The following GNA11 variants were observed in gnomAD, a reference collection of about 807,000 sequenced individuals.
The protein encoded by GNA11 is guanine nucleotide-binding protein subunit alpha-11.
In GNA11, 8 loss-of-function variants were observed where a neutral mutation model predicts 38.2. That is an observed-to-expected ratio of 0.21 (90% CI 0.12 to 0.38). The LOEUF is 0.38. Ranked by LOEUF, GNA11 falls within the 10% of genes least tolerant of loss-of-function variation. The pLI is 1.00. For synonymous variants in GNA11, 211 were observed against 221.4 expected, an observed-to-expected ratio of 0.95 and a Z score of 0.42; for missense variants, 268 against 516.3, an observed-to-expected ratio of 0.52 and a Z score of 4.66.
chr19:3,110,786 T>TTTTTGTTTTGTTTTGTTTTG lies in GNA11; in HGVS notation c.321+464_321+483dup, dbSNP rs56122562. 4.9e-4 allele frequency among the ~76,000 whole-genome samples: 74 copies of TTTTTGTTTTGTTTTGTTTTG among 150,640 alleles called. No homozygotes were observed. Among genetic ancestry groups the TTTTTGTTTTGTTTTGTTTTG allele is most frequent in the African/African-American group, 1.7e-3 (70 of 41,080 alleles). On this transcript the variant is annotated intron_variant, in intron 2 of 6. Coordinates refer to ENST00000078429, the MANE Select transcript of GNA11 (RefSeq NM_002067.5). The surrounding 1 kb of genome is among the most constrained non-coding windows in gnomAD (Gnocchi z 5.4). ...GTACTTCTCACCTTCTCACACTGTT[T>TTTTTGTTTTGTTTTGTTTTG]TTTTGTTTTGTTTTGTTTTGTTTTG...
At chr19:3,116,534 T>A (rs1599306046) in intron 4 of GNA11, among the ~76,000 whole-genome samples, 2 of 152,206 alleles carry the variant, frequency 1.3e-5, no homozygotes, top group Non-Finnish European at 2.9e-5. Flanking sequence ...TGCAGCGTCC[T>A]CCCCGCCTGC....
rs532094293 is a variant in GNA11 at position 3,122,399 on chromosome 19, G to A, written c.*1220G>A. 1.1e-4 allele frequency: 25 copies of A among 231,400 alleles called. No homozygotes were observed. In the South Asian group the frequency reaches 4.5e-3, roughly 42 times the overall value. 14.3% of individuals were successfully genotyped at this position (231,400 alleles called of 1,614,324 possible). A position where few individuals can be genotyped will look rare whatever the true frequency, so the allele number is the denominator to read the frequency against. On this transcript the variant is annotated 3_prime_UTR_variant, in exon 7 of 7. Coordinates refer to ENST00000078429, the MANE Select transcript of GNA11 (RefSeq NM_002067.5). This position sits in a 1 kb window ranked among gnomAD's most constrained non-coding sequence, Gnocchi z 7.7. ...GAAGGTGGTGGCAGGCACCGGCCTG[G>A]GCAGCTTCCAGGCCTGGCTGGCCAC...
chr19:3,094,888 T>A lies in GNA11; in HGVS notation c.136+101T>A. The stretch of plus-strand genomic sequence containing the variant: ...GGGACCCTCCGGGGTCAGCCCTGCC[T>A]GTGCCGTCCGGGTCGCGAGACCCTC... On this transcript the variant is annotated intron_variant, in intron 1 of 6. Transcript: ENST00000078429. This position sits in a 1 kb window ranked among gnomAD's most constrained non-coding sequence, Gnocchi z 6.0. The A allele has an allele frequency of 1.2e-6, 1 of 865,156 alleles. No individual in the cohort carries two copies. 53.6% of individuals were successfully genotyped at this position (865,156 alleles called of 1,614,324 possible). A position where few individuals can be genotyped will look rare whatever the true frequency, so the allele number is the denominator to read the frequency against.
chr19:3,099,059 G>A (rs1301790928), intron 1 of GNA11, among the ~76,000 whole-genome samples: 2 of 152,214 alleles, frequency 1.3e-5, no homozygotes, highest in African/African-American at 2.4e-5. Context: ...GCTTTCCTCC[G>A]AGATTTAACC....
At chr19:3,104,142 G>T (rs1599298653) in intron 1 of GNA11, among the ~76,000 whole-genome samples, 3 of 152,380 alleles carry the variant, frequency 2.0e-5, no homozygotes, top group South Asian at 2.1e-4. Context: ...CATCGGATGA[G>T]CCCCCAGCTC....
chr19:3,094,824 T>C lies in GNA11; in HGVS notation c.136+37T>C. ...CCCCGGGCCTGCCGGCTGCGGGCCC[T>C]GCCCTGCCTGTGCCTGCCCTGCCTG... On this transcript the variant is annotated intron_variant, in intron 1 of 6. Coordinates refer to ENST00000078429, the MANE Select transcript of GNA11 (RefSeq NM_002067.5). The surrounding 1 kb of genome is among the most constrained non-coding windows in gnomAD (Gnocchi z 6.0). 1 of 1,455,664 alleles carries C rather than the reference T, an allele frequency of 6.9e-7. No homozygotes were observed. The highest frequency in any genetic ancestry group is 9.2e-7 in the Non-Finnish European group (1 of 1,091,836). The allele number at this position is 1,455,664 out of a possible 1,614,324, so 90.2% of individuals were successfully genotyped here.
intron 1 of GNA11, among the ~76,000 whole-genome samples, chr19:3,109,420 T>G (rs1021478437): frequency 1.3e-5 from 2 of 152,134 alleles, no homozygotes; most frequent in Admixed American, 1.3e-4. Context: ...GGACCATCAG[T>G]GTGCCCATCT....
chr19:3,109,986 G>A (rs892676097), intron 1 of GNA11, among the ~76,000 whole-genome samples, 163 bp from the exon 2 acceptor site: 3 of 152,032 alleles, frequency 2.0e-5, no homozygotes, highest in Non-Finnish European at 4.4e-5. Flanking sequence ...AACTCTTTCC[G>A]AGGAGTCAGG....
chr19:3,096,024 GGGC>G (rs1416103052), intron 1 of GNA11, among the ~76,000 whole-genome samples: 3 of 152,224 alleles, frequency 2.0e-5, no homozygotes, highest in Non-Finnish European at 2.9e-5. Context: ...CCTGGGCCGG[GGGC>G]GGGGCGGTGG....
At chr19:3,096,876 CAG>C (rs565237580) in intron 1 of GNA11, among the ~76,000 whole-genome samples, 6 of 152,224 alleles carry the variant, frequency 3.9e-5, no homozygotes, top group South Asian at 2.1e-4. Context: ...CCGGGGCTGT[CAG>C]GGGGTTGGGA....
intron 1 of GNA11, among the ~76,000 whole-genome samples, chr19:3,098,193 C>T (rs1228771367): frequency 1.3e-5 from 2 of 152,264 alleles, no homozygotes; most frequent in Non-Finnish European, 2.9e-5. Context: ...AGGTTTGTCC[C>T]TATGCACACT....
rs1373572379 is a variant in GNA11, at chr19:3,121,359, A to G, written c.*180A>G. On this transcript the variant is annotated 3_prime_UTR_variant, in exon 7 of 7. Coordinates refer to ENST00000078429, the MANE Select transcript of GNA11 (RefSeq NM_002067.5). ...TTATTTCACAGTTATCAGGGGATGT[A>G]CATCTCTCCCTCCGTACACTTCGCG... 2 of 561,354 alleles carry G rather than the reference A, an allele frequency of 3.6e-6. No homozygotes were observed. The highest frequency in any genetic ancestry group is 2.9e-5 in the East Asian group (1 of 34,032). The allele number at this position is 561,354 out of a possible 1,614,324, so 34.8% of individuals were successfully genotyped here. A position where few individuals can be genotyped will look rare whatever the true frequency, so the allele number is the denominator to read the frequency against.
intron 1 of GNA11, among the ~76,000 whole-genome samples, chr19:3,103,226 A>ATTTG (rs1913548738): frequency 6.6e-6 from 1 of 151,846 alleles, no homozygotes; most frequent in Non-Finnish European, 1.5e-5. Context: ...TTATTTATTT[A>ATTTG]TTTTTGAGAG....
intron 1 of GNA11, among the ~76,000 whole-genome samples, chr19:3,096,197 G>A (rs1913360159): frequency 1.3e-5 from 2 of 152,210 alleles, no homozygotes; most frequent in African/African-American, 2.4e-5. Context: ...TTACAGAGGT[G>A]CCTTGGATGA....
intron 1 of GNA11, among the ~76,000 whole-genome samples, chr19:3,107,965 T>C (rs1803148473): frequency 1.3e-5 from 2 of 152,194 alleles, no homozygotes; most frequent in Non-Finnish European, 2.9e-5. Flanking sequence ...TTGGGTGGGT[T>C]TGACCTTTTG....
intron 1 of GNA11, among the ~76,000 whole-genome samples, chr19:3,098,591 G>C (rs1042782583): frequency 6.6e-6 from 1 of 152,272 alleles, no homozygotes; most frequent in Non-Finnish European, 1.5e-5. Context: ...AAATAAAGCA[G>C]GATGGTTAGT....
At chr19:3,105,030 G>A (rs1401329610) in intron 1 of GNA11, among the ~76,000 whole-genome samples, 1 of 148,754 alleles carries the variant, frequency 6.7e-6, no homozygotes, top group African/African-American at 2.5e-5. Flanking sequence ...CCAGTCTGAG[G>A]CAGGAACCTG....
chr19:3,110,129 T>C lies in GNA11; in HGVS notation c.137-20T>C, dbSNP rs779008056. On this transcript the variant is annotated intron_variant, in intron 1 of 6. Coordinates refer to ENST00000078429, the MANE Select transcript of GNA11 (RefSeq NM_002067.5). This position sits in a 1 kb window ranked among gnomAD's most constrained non-coding sequence, Gnocchi z 5.4. ...GTCAGGCCCCGGCTGCCGCCCGCCCTCACGTGCCCCGTCCCCCAGGCACGG... is the reference window on the plus strand; with the variant it reads ...GTCAGGCCCCGGCTGCCGCCCGCCCCCACGTGCCCCGTCCCCCAGGCACGG... 4 of 1,578,406 alleles carry C rather than the reference T, an allele frequency of 2.5e-6. No individual in the cohort carries two copies. The highest frequency in any genetic ancestry group is 2.3e-5 in the East Asian group (1 of 43,722).
At position 3,119,520 on chromosome 19, in the gene GNA11, C is replaced by T. The variant is rs148483405; in HGVS notation, c.889+161C>T. ...GTGGAGTCTCAGGGAAGGGAGATCT[C>T]GTATGAGGGGGGCCTGTACGGGAAT... On this transcript the variant is annotated intron_variant, in intron 6 of 6. Coordinates refer to ENST00000078429, the MANE Select transcript of GNA11 (RefSeq NM_002067.5). The surrounding 1 kb of genome is among the most constrained non-coding windows in gnomAD (Gnocchi z 4.6). Among the ~76,000 whole-genome samples the T allele has an allele frequency of 2.0e-3, 291 of 147,174 alleles. 1 individual carries two copies. Among genetic ancestry groups the T allele is most frequent in the African/African-American group, 6.9e-3 (272 of 39,638 alleles).
Sources: gnomAD v4.1 joint callset for allele counts (sites outside exome capture counted in the v4.1 genomes callset) on GRCh38, gnomAD v4.1.1 for gene constraint, Gnocchi (gnomAD v3.1) non-coding constraint, MANE v1.5 for transcripts, NCBI Gene and HGNC (gene_info 2026-07-23, HGNC 2026-07-21) for gene names.